Variants in INSYN2B observed in about 807,000 individuals in gnomAD.
INSYN2B encodes the protein inhibitory synaptic factor family member 2B, also known as protein INSYN2B.
A neutral mutation model predicts 41.2 loss-of-function variants in INSYN2B; 16 were observed. The ratio of observed to expected loss-of-function variants is 0.39; its 90% CI spans 0.26 to 0.59. The LOEUF (loss-of-function observed/expected upper bound fraction) is 0.59, where lower values mean the gene tolerates loss of function less well. Among genes scored for constraint, INSYN2B ranks in the 20% least tolerant of loss-of-function variants. The pLI is 0.57. For synonymous variants in INSYN2B, 245 were observed against 244.4 expected, an observed-to-expected ratio of 1.00 and a Z score of -0.02; for missense variants, 608 against 646.4, an observed-to-expected ratio of 0.94 and a Z score of 0.64.
intron 1 of INSYN2B, among the ~76,000 whole-genome samples, chr5:169,930,732 C>T (rs1261225749): frequency 2.0e-5 from 3 of 152,190 alleles, no homozygotes; most frequent in Non-Finnish European, 2.9e-5. Context: ...TCTACATCTT[C>T]GCCCTTTGAG....
chr5:169,887,554 C>A (rs1237163887), intron 1 of INSYN2B, among the ~76,000 whole-genome samples: 2 of 152,164 alleles, frequency 1.3e-5, no homozygotes, highest in Non-Finnish European at 2.9e-5. Flanking sequence ...TTATGGTGTA[C>A]AGATCACACT....
At chr5:169,942,333 A>C (rs1490876276) in intron 1 of INSYN2B, among the ~76,000 whole-genome samples, 1 of 152,182 alleles carries the variant, frequency 6.6e-6, no homozygotes, top group Non-Finnish European at 1.5e-5. Context: ...CCCATGGTCT[A>C]ATTAACTTAG....
At chr5:169,929,102 C>T (rs1046094901) in intron 1 of INSYN2B, among the ~76,000 whole-genome samples, 1 of 152,196 alleles carries the variant, frequency 6.6e-6, no homozygotes, top group African/African-American at 2.4e-5. Flanking sequence ...CTGTCATGCC[C>T]TGCCTTGAAA....
chr5:169,926,354 A>G (rs1775455707), intron 1 of INSYN2B, among the ~76,000 whole-genome samples: 1 of 152,204 alleles, frequency 6.6e-6, no homozygotes, highest in Non-Finnish European at 1.5e-5. Flanking sequence ...TGTCTGAAAA[A>G]TGAACTTCTT....
In INSYN2B at chr5:169,926,478, T is replaced by C. The variant is rs147993082; in HGVS notation, c.-918-41662A>G. On this transcript the variant is annotated intron_variant, in intron 1 of 3. Coordinates refer to ENST00000377365, the MANE Select transcript of INSYN2B (RefSeq NM_001129891.3). The stretch of plus-strand genomic sequence containing the variant: ...TGGTCTGCATTGATCTTCTGTGAGC[T>C]CAGGTGGCCATGTTCAAAGAAAGCT... Among the ~76,000 whole-genome samples, 12 of 152,290 alleles carry C rather than the reference T, an allele frequency of 7.9e-5. No individual in the cohort carries two copies. The East Asian group carries it at 2.3e-3, about 29-fold the overall frequency.
chr5:169,963,228 G>A (rs185824654), intron 1 of INSYN2B, among the ~76,000 whole-genome samples: 11 of 152,246 alleles, frequency 7.2e-5, no homozygotes, highest in Non-Finnish European at 1.0e-4. Context: ...CGTGGGGTGG[G>A]TATCAGTTTA....
At chr5:169,888,411 T>G (rs1315555906) in intron 1 of INSYN2B, among the ~76,000 whole-genome samples, 1 of 152,250 alleles carries the variant, frequency 6.6e-6, no homozygotes, top group Non-Finnish European at 1.5e-5. Flanking sequence ...CAACACTTTA[T>G]TCTGTCCTCC....
intron 1 of INSYN2B, among the ~76,000 whole-genome samples, chr5:169,919,903 C>T (rs1440353759): frequency 1.3e-5 from 2 of 152,176 alleles, no homozygotes; most frequent in African/African-American, 4.8e-5. Context: ...AAGGATTTTA[C>T]TGTACTTATT....
intron 1 of INSYN2B, among the ~76,000 whole-genome samples, chr5:169,895,520 C>T (rs1025265926): frequency 3.3e-5 from 5 of 152,102 alleles, no homozygotes; most frequent in African/African-American, 1.2e-4. Context: ...CAGCAGCCAG[C>T]ATTCACGCAT....
chr5:169,895,846 G>A (rs1028816685), intron 1 of INSYN2B, among the ~76,000 whole-genome samples: 8 of 152,210 alleles, frequency 5.3e-5, no homozygotes, highest in African/African-American at 1.9e-4. Flanking sequence ...ATAACGCAGT[G>A]CCTGGCACAT....
rs571280480 is a variant in INSYN2B, at chr5:169,955,337, A to G, written c.-919+24940T>C. ...CCATAGGAAGGTTCTGGGCCCAAAC[A>G]CTTACTGAGCACCTACTGTGTAGCT... On this transcript the variant is annotated intron_variant, in intron 1 of 3. Coordinates refer to ENST00000377365, the MANE Select transcript of INSYN2B (RefSeq NM_001129891.3). 3.3e-4 allele frequency among the ~76,000 whole-genome samples: 51 copies of G among 152,242 alleles called. 1 individual carries two copies. In the South Asian group the frequency reaches 8.3e-3, roughly 25 times the overall value.
At chr5:169,864,552 G>T in intron 3 of INSYN2B, 93 bp from the exon 4 acceptor site, 1 of 1,021,716 alleles carries the variant, frequency 9.8e-7, no homozygotes, top group South Asian at 1.7e-5. Flanking sequence ...GGAAGAGCAT[G>T]AGCTTTGGGA....
intron 1 of INSYN2B, among the ~76,000 whole-genome samples, chr5:169,952,555 G>A (rs1392930429): frequency 6.6e-6 from 1 of 152,142 alleles, no homozygotes; most frequent in African/African-American, 2.4e-5. Context: ...GGCTGAGAAG[G>A]TAGTGTGGCA....
intron 1 of INSYN2B, among the ~76,000 whole-genome samples, chr5:169,964,919 T>C (rs1347963024): frequency 6.6e-6 from 1 of 152,270 alleles, no homozygotes; most frequent in Non-Finnish European, 1.5e-5. Flanking sequence ...TCTCCGTCGC[T>C]CATGACTATT....
intron 1 of INSYN2B, among the ~76,000 whole-genome samples, chr5:169,928,932 C>T (rs577374381): frequency 7.0e-4 from 106 of 152,298 alleles, no homozygotes; most frequent in Middle Eastern, 3.4e-3. Context: ...CAGATAACTG[C>T]GCTATTAATT....
At chr5:169,960,363 TTTCTGG>T in intron 1 of INSYN2B, among the ~76,000 whole-genome samples, 1 of 152,232 alleles carries the variant, frequency 6.6e-6, no homozygotes, top group Non-Finnish European at 1.5e-5. Context: ...AAAGGTGCTA[TTTCTGG>T]TTCTTGTAGC....
At chr5:169,916,340 T>C (rs1774874895) in intron 1 of INSYN2B, among the ~76,000 whole-genome samples, 1 of 152,238 alleles carries the variant, frequency 6.6e-6, no homozygotes, top group African/African-American at 2.4e-5. Context: ...CCAGCCACTT[T>C]GACAGGTGGC....
chr5:169,933,747 C>G (rs1419040472), intron 1 of INSYN2B, among the ~76,000 whole-genome samples: 1 of 152,154 alleles, frequency 6.6e-6, no homozygotes, highest in East Asian at 1.9e-4. Flanking sequence ...TCTCAGACTT[C>G]CAGGCAGCTG....
intron 1 of INSYN2B, among the ~76,000 whole-genome samples, chr5:169,968,747 G>A (rs1315972325): frequency 1.3e-5 from 2 of 152,194 alleles, no homozygotes; most frequent in African/African-American, 4.8e-5. Flanking sequence ...ACTTGATGCT[G>A]TGTTAATGGT....
Sources: gnomAD v4.1 joint callset for allele counts (sites outside exome capture counted in the v4.1 genomes callset) on GRCh38, gnomAD v4.1.1 for gene constraint, MANE v1.5 for transcripts, NCBI Gene and HGNC (gene_info 2026-07-23, HGNC 2026-07-21) for gene names.